THSD7B: variants seen among roughly 807,000 people sequenced by gnomAD.
THSD7B encodes the protein thrombospondin type 1 domain containing 7B.
Under a neutral mutation model 213.6 loss-of-function variants are expected in THSD7B, and 138 were observed. That is an observed-to-expected ratio of 0.65 (90% CI 0.56 to 0.74). The LOEUF is 0.74. Among genes scored for constraint, THSD7B ranks in the 30% least tolerant of loss-of-function variants. THSD7B has a pLI of 0.00. For missense variants in THSD7B, 1,931 were observed against 1,991.5 expected, an observed-to-expected ratio of 0.97 and a Z score of 0.58; for synonymous variants, 742 against 687.0, an observed-to-expected ratio of 1.08 and a Z score of -1.25.
At chr2:137,642,216 G>A (rs1237307360) in intron 20 of THSD7B, 2 of 324,332 alleles carry the variant, frequency 6.2e-6, no homozygotes, top group African/African-American at 4.3e-5. Flanking sequence ...ATGTTTACAA[G>A]ATCAGTCTAC....
At chr2:137,623,797 G>C (rs1682568551) in intron 20 of THSD7B, among the ~76,000 whole-genome samples, 1 of 152,164 alleles carries the variant, frequency 6.6e-6, no homozygotes, top group Non-Finnish European at 1.5e-5. Context: ...TCTTCAAGGA[G>C]AATTACAAAC....
intron 5 of THSD7B, among the ~76,000 whole-genome samples, chr2:137,151,941 G>GA: frequency 6.6e-6 from 1 of 151,616 alleles, no homozygotes; most frequent in East Asian, 1.9e-4. Flanking sequence ...GACTGTGTTT[G>GA]TAGCTAGTGG....
chr2:137,501,579 A>G (rs964265076), intron 15 of THSD7B, among the ~76,000 whole-genome samples: 3 of 152,186 alleles, frequency 2.0e-5, no homozygotes, highest in Admixed American at 6.5e-5. Flanking sequence ...TGATACCTCT[A>G]TAGGTTTCTT....
intron 7 of THSD7B, among the ~76,000 whole-genome samples, chr2:137,190,702 C>T (rs1296276354): frequency 6.6e-6 from 1 of 152,184 alleles, no homozygotes; most frequent in Non-Finnish European, 1.5e-5. Flanking sequence ...AGCACATATG[C>T]ATATCTAACA....
rs549625492 is a variant in THSD7B, at chr2:137,014,827, C to T, written c.140-41593C>T. ...CTTTCTGTGCTCTTGTCCAACTAGACATCTTCAATTTCCTTCACTGCATCA... is the reference window on the plus strand; with the variant it reads ...CTTTCTGTGCTCTTGTCCAACTAGATATCTTCAATTTCCTTCACTGCATCA... On this transcript the variant is annotated intron_variant, in intron 2 of 27. Transcript: ENST00000409968. Among the ~76,000 whole-genome samples the T allele has an allele frequency of 3.3e-5, 5 of 152,262 alleles. No individual in the cohort carries two copies. The South Asian group carries it at 1.0e-3, about 32-fold the overall frequency.
intron 2 of THSD7B, among the ~76,000 whole-genome samples, chr2:136,987,340 G>A (rs1685689403): frequency 6.6e-6 from 1 of 151,954 alleles, no homozygotes; most frequent in African/African-American, 2.4e-5. Context: ...GAACCACTGG[G>A]GCTATTCATA....
intron 15 of THSD7B, among the ~76,000 whole-genome samples, chr2:137,480,852 C>G (rs1011268979): frequency 2.6e-5 from 4 of 152,208 alleles, no homozygotes; most frequent in Admixed American, 2.6e-4. Flanking sequence ...TAATTTTTCC[C>G]AGAAGCACGA....
At chr2:137,282,049 A>G (rs1364811037) in intron 12 of THSD7B, among the ~76,000 whole-genome samples, 3 of 151,706 alleles carry the variant, frequency 2.0e-5, no homozygotes, top group Admixed American at 6.6e-5. Context: ...ATTTCTCCAC[A>G]TCCTCTCCAG....
At chr2:137,260,848 T>A (rs1246558283) in intron 10 of THSD7B, among the ~76,000 whole-genome samples, 1 of 152,222 alleles carries the variant, frequency 6.6e-6, no homozygotes, top group East Asian at 1.9e-4. Context: ...AATGTCTCCA[T>A]CTTCTCATTC....
Position 137,303,674 on chromosome 2 carries a change from ATATATATATT to A in THSD7B, c.2500+27678_2500+27687del, listed in dbSNP as rs1314509833. ...CACATTTTCGTGTTTATATATATTAATATATATATTTATATATATTTATATATATTTATAT... is the reference window on the plus strand; with the variant it reads ...CACATTTTCGTGTTTATATATATTAATATATATATTTATATATATTTATAT... On this transcript the variant is annotated intron_variant, in intron 12 of 27. Transcript: ENST00000409968. 4.3e-3 allele frequency among the ~76,000 whole-genome samples: 497 copies of A among 115,454 alleles called. 10 individuals carry two copies. The highest frequency in any genetic ancestry group is 0.011 in the Middle Eastern group (2 of 188). The allele number at this position is 115,454 out of a possible 152,430, so 75.7% of individuals were successfully genotyped here. A position where few individuals can be genotyped will look rare whatever the true frequency, so the allele number is the denominator to read the frequency against.
rs978821140 is a variant in THSD7B at position 137,677,406 on chromosome 2, A to T, written c.*801A>T. 2.0e-5 allele frequency: 3 copies of T among 152,392 alleles called. No individual in the cohort carries two copies. Among genetic ancestry groups the T allele is most frequent in the African/African-American group, 7.2e-5 (3 of 41,464 alleles). The allele number at this position is 152,392 out of a possible 1,614,324, so 9.4% of individuals were successfully genotyped here. On this transcript the variant is annotated 3_prime_UTR_variant, in exon 28 of 28. Coordinates refer to ENST00000409968, the MANE Select transcript of THSD7B (RefSeq NM_001316349.2). ...ACTTATCCATGTAGATATAGCATTAACCACACACAGTTGTAATTCAGTTTA... is the reference window on the plus strand; with the variant it reads ...ACTTATCCATGTAGATATAGCATTATCCACACACAGTTGTAATTCAGTTTA...
intron 12 of THSD7B, among the ~76,000 whole-genome samples, chr2:137,381,846 C>T (rs185248325): frequency 9.7e-4 from 148 of 152,290 alleles, no homozygotes; most frequent in Non-Finnish European, 1.8e-3. Context: ...TCAAAGACTA[C>T]GTGCTGCAGC....
chr2:137,638,157 G>GA (rs1200262555), intron 20 of THSD7B, among the ~76,000 whole-genome samples: 1 of 152,130 alleles, frequency 6.6e-6, no homozygotes, highest in Non-Finnish European at 1.5e-5. Context: ...TATCATCACT[G>GA]AAAGAAATTT....
At chr2:136,867,716 T>C (rs1314214517) in intron 1 of THSD7B, among the ~76,000 whole-genome samples, 1 of 152,230 alleles carries the variant, frequency 6.6e-6, no homozygotes, top group Admixed American at 6.5e-5. Flanking sequence ...TCTTTCATTA[T>C]AATCCACTTA....
chr2:136,787,681 C>T (rs1681891186), intron 1 of THSD7B, among the ~76,000 whole-genome samples: 1 of 152,028 alleles, frequency 6.6e-6, no homozygotes, highest in Non-Finnish European at 1.5e-5. Flanking sequence ...ATTGTATTAA[C>T]CTTATTATTC....
chr2:137,521,174 A>G (rs1205753036), intron 15 of THSD7B, among the ~76,000 whole-genome samples: 1 of 152,138 alleles, frequency 6.6e-6, no homozygotes, highest in Non-Finnish European at 1.5e-5. Flanking sequence ...TGATCCAGAG[A>G]TTTGAGCACT....
intron 12 of THSD7B, among the ~76,000 whole-genome samples, chr2:137,387,150 T>C (rs1182821283): frequency 7.2e-5 from 11 of 152,230 alleles, no homozygotes; most frequent in African/African-American, 2.7e-4. Context: ...CTCTGTGTTA[T>C]GTAGCTTGTT....
chr2:137,616,556 G>A (rs1682390968), intron 18 of THSD7B, among the ~76,000 whole-genome samples: 1 of 152,118 alleles, frequency 6.6e-6, no homozygotes, highest in South Asian at 2.1e-4. Flanking sequence ...AGAAAGATTT[G>A]GCAACATTTC....
intron 15 of THSD7B, among the ~76,000 whole-genome samples, chr2:137,480,279 A>G (rs945498685): frequency 1.3e-5 from 2 of 152,174 alleles, no homozygotes; most frequent in Non-Finnish European, 1.5e-5. Context: ...ATTTGGGATA[A>G]GAACATGGTA....
Sources: allele counts gnomAD v4.1 joint callset (sites outside exome capture counted in the v4.1 genomes callset), GRCh38; gene constraint gnomAD v4.1.1; transcripts MANE v1.5; gene names NCBI Gene and HGNC (gene_info 2026-07-23, HGNC 2026-07-21).